The following ANOS1 variants were observed in gnomAD, a reference collection of about 807,000 sequenced individuals.
ANOS1 encodes anosmin-1.
Under a neutral mutation model 59.0 loss-of-function variants are expected in ANOS1, and 6 were observed. The ratio of observed to expected loss-of-function variants is 0.10; its 90% CI spans 0.06 to 0.20. The LOEUF (loss-of-function observed/expected upper bound fraction) is 0.20, where lower values mean the gene tolerates loss of function less well. ANOS1 is among the 10% of genes least tolerant of loss of function. The pLI, the probability that ANOS1 is intolerant of heterozygous loss-of-function variation, is 1.00. For synonymous variants in ANOS1, 217 were observed against 223.4 expected, an observed-to-expected ratio of 0.97 and a Z score of 0.25; for missense variants, 433 against 542.3, an observed-to-expected ratio of 0.80 and a Z score of 2.00.
At chrX:8,646,950 A>G (rs1032039762) in intron 2 of ANOS1, among the ~76,000 whole-genome samples, 15 of 108,417 alleles carry the variant, frequency 1.4e-4, no homozygotes, top group South Asian at 4.1e-4. Context: ...AAAAAAAAAA[A>G]AAGAAGATTT....
Position 8,731,906 on chromosome X carries a change from A to C in ANOS1, c.131T>G (p.Val44Gly). The C allele has an allele frequency of 8.4e-7, 1 of 1,183,917 alleles. No homozygotes were observed. The highest frequency in any genetic ancestry group is 1.1e-6 in the Non-Finnish European group (1 of 883,473). Reference protein sequence around the residue: ...RLDESLSAGSVQRARCASRCL... With the variant: ...RLDESLSAGSGQRARCASRCL... ...CCTGGAGGCGCAGCGAGCGCGCTGG[A>C]CGCTCCCGGCAGACAGCGACTCGTC... Residue 44 changes from valine (V) to glycine (G), a missense_variant, in exon 1 of 14, where the codon GTC becomes GGC. Val to Gly is a moderately radical substitution (Grantham distance 109). Coordinates refer to ENST00000262648, the MANE Select transcript of ANOS1 (RefSeq NM_000216.4).
Position 8,669,595 on chromosome X carries a change from TA to T in ANOS1, c.255+30102del, listed in dbSNP as rs199519416. Among the ~76,000 whole-genome samples, 18 of 104,264 alleles carry T rather than the reference TA, an allele frequency of 1.7e-4. 1 individual carries two copies. Among genetic ancestry groups the T allele is most frequent in the East Asian group, 6.1e-4 (2 of 3,262 alleles). 90.5% of individuals were successfully genotyped at this position (104,264 alleles called of 115,157 possible). A position where few individuals can be genotyped will look rare whatever the true frequency, so the allele number is the denominator to read the frequency against. ...AATGCCTTATCAGGCCCAAAACTGC[TA>T]AAAAAAAAAATAGCCTATTATTTTC... On this transcript the variant is annotated intron_variant, in intron 2 of 13. Coordinates refer to ENST00000262648, the MANE Select transcript of ANOS1 (RefSeq NM_000216.4).
chrX:8,697,115 C>T (rs773766810), intron 2 of ANOS1, among the ~76,000 whole-genome samples: 3 of 111,680 alleles, frequency 2.7e-5, no homozygotes, highest in Admixed American at 9.5e-5. Context: ...TGGTGGCAGG[C>T]GCCTGTAATC....
At chrX:8,638,189 G>A (rs140740159) in intron 2 of ANOS1, among the ~76,000 whole-genome samples, 3 of 112,288 alleles carry the variant, frequency 2.7e-5, no homozygotes, top group African/African-American at 6.5e-5. Flanking sequence ...TGTACCTAGA[G>A]TAGTTTGTTT....
At chrX:8,600,903 G>C (rs765352397) in intron 3 of ANOS1, among the ~76,000 whole-genome samples, 1 of 112,456 alleles carries the variant, frequency 8.9e-6, no homozygotes, top group East Asian at 2.8e-4. Flanking sequence ...AGAAATACTT[G>C]TATTAGGCCG....
At position 8,702,732 on chromosome X, in the gene ANOS1, C is replaced by G. The variant is rs779322001; in HGVS notation, c.208-2987G>C. ...CAGGACTTCCAAGGACGACACCTGT[C>G]TGAGCACATCCTGGATTCAACTTGA... is the stretch of plus-strand genomic sequence containing the variant. On this transcript the variant is annotated intron_variant, in intron 1 of 13. Coordinates refer to ENST00000262648, the MANE Select transcript of ANOS1 (RefSeq NM_000216.4). 1.3e-4 allele frequency among the ~76,000 whole-genome samples: 15 copies of G among 112,370 alleles called. No individual in the cohort carries two copies. The South Asian group carries it at 5.5e-3, about 41-fold the overall frequency.
intron 9 of ANOS1, among the ~76,000 whole-genome samples, chrX:8,544,009 A>G (rs1283539116): frequency 9.0e-6 from 1 of 110,699 alleles, no homozygotes; most frequent in African/African-American, 3.3e-5. Flanking sequence ...AAGTACCTGA[A>G]AAGTATTTTT....
chrX:8,617,863 G>T (rs1180193068), intron 3 of ANOS1, among the ~76,000 whole-genome samples: 1 of 111,437 alleles, frequency 9.0e-6, no homozygotes, highest in Non-Finnish European at 1.9e-5. Flanking sequence ...AAGCAGGGAT[G>T]ACTGGGCCAA....
At chrX:8,688,692 C>A (rs1431209776) in intron 2 of ANOS1, among the ~76,000 whole-genome samples, 1 of 112,080 alleles carries the variant, frequency 8.9e-6, no homozygotes, top group Non-Finnish European at 1.9e-5. Context: ...AGCAGAAACA[C>A]ACTGAGCTAT....
At chrX:8,610,046 T>C (rs1339637919) in intron 3 of ANOS1, among the ~76,000 whole-genome samples, 1 of 88,661 alleles carries the variant, frequency 1.1e-5, no homozygotes, top group South Asian at 5.4e-4. Flanking sequence ...CAACAACCTT[T>C]AAAGAGCACC....
rs1312534685 is a variant in ANOS1, at chrX:8,731,963, G to C, written c.74C>G (p.Ala25Gly). The change falls in exon 1 of 14, where the codon GCC (alanine) becomes GGC (glycine). Residue 25 changes from alanine (A) to glycine (G), a missense_variant. Physicochemically the swap from Ala to Gly is moderately conservative, Grantham distance 60. Coordinates refer to ENST00000262648, the MANE Select transcript of ANOS1 (RefSeq NM_000216.4). ...WLAASSGCLA[A>G]GPGAAAARRL... Reference sequence around the variant, plus strand: ...CCGCGCAGCAGCCGCGCCGGGGCCGGCCGCCAGGCAGCCGCTGGAGGCCGC... The same window carrying C: ...CCGCGCAGCAGCCGCGCCGGGGCCGCCCGCCAGGCAGCCGCTGGAGGCCGC... 1.8e-6 allele frequency: 2 copies of C among 1,109,041 alleles called. No homozygotes were observed. Among genetic ancestry groups the C allele is most frequent in the African/African-American group, 3.9e-5 (2 of 51,467 alleles). The allele number at this position is 1,109,041 out of a possible 1,213,427, so 91.4% of individuals were successfully genotyped here.
intron 2 of ANOS1, among the ~76,000 whole-genome samples, chrX:8,660,565 A>G (rs1208143960): frequency 9.0e-6 from 1 of 111,106 alleles, no homozygotes; most frequent in Non-Finnish European, 1.9e-5. Flanking sequence ...GCTTGAGCCC[A>G]GGAGTTCGAG....
At chrX:8,544,784 C>T (rs1026632085) in intron 9 of ANOS1, among the ~76,000 whole-genome samples, 10 of 109,933 alleles carry the variant, frequency 9.1e-5, no homozygotes, top group Non-Finnish European at 1.7e-4. Context: ...ATTAGCTGGG[C>T]GGCCAGGCAC....
chrX:8,623,030 T>TGGATGATGGATG (rs781227288), intron 3 of ANOS1, among the ~76,000 whole-genome samples: 6 of 102,389 alleles, frequency 5.9e-5, no homozygotes, highest in Non-Finnish European at 1.2e-4. Context: ...GATGGATGGA[T>TGGATGATGGATG]GATGGATGGA....
chrX:8,677,703 A>T (rs189676120), intron 2 of ANOS1, among the ~76,000 whole-genome samples: 34 of 111,840 alleles, frequency 3.0e-4, no homozygotes, highest in Admixed American at 8.6e-4. Flanking sequence ...ATATATATAT[A>T]TTTTTTTCCT....
chrX:8,635,947 C>T (rs889252659), intron 2 of ANOS1, among the ~76,000 whole-genome samples: 1 of 111,018 alleles, frequency 9.0e-6, no homozygotes, highest in Non-Finnish European at 1.9e-5. Context: ...TCAGATTTTG[C>T]GTAACTCAAC....
intron 3 of ANOS1, among the ~76,000 whole-genome samples, chrX:8,610,040 A>AAAC (rs1569062444): frequency 3.0e-4 from 14 of 46,022 alleles, no homozygotes; most frequent in African/African-American, 1.1e-3. Context: ...AAAAAACAAC[A>AAAC]ACCTTTAAAG....
At chrX:8,690,229 C>T (rs1315509312) in intron 2 of ANOS1, among the ~76,000 whole-genome samples, 2 of 112,037 alleles carry the variant, frequency 1.8e-5, no homozygotes, top group Non-Finnish European at 3.8e-5. Context: ...CTGCACAAAT[C>T]TCTCTCTTTG....
chrX:8,685,464 G>C (rs181262209), intron 2 of ANOS1, among the ~76,000 whole-genome samples: 94 of 104,438 alleles, frequency 9.0e-4, no homozygotes, highest in African/African-American at 3.1e-3. Flanking sequence ...GGGAGGGAGG[G>C]AACAATTGAA....
Sources: gnomAD v4.1 joint callset for allele counts (sites outside exome capture counted in the v4.1 genomes callset) on GRCh38, gnomAD v4.1.1 for gene constraint, MANE v1.5 for transcripts, NCBI Gene and HGNC (gene_info 2026-07-23, HGNC 2026-07-21) for gene names.